PEAK1: variants seen among roughly 807,000 people sequenced by gnomAD.
PEAK1 encodes the protein pseudopodium enriched atypical kinase 1, also known as inactive tyrosine-protein kinase PEAK1.
Under a neutral mutation model 124.7 loss-of-function variants are expected in PEAK1, and 54 were observed. The observed-to-expected ratio is 0.43, with a 90% confidence interval of 0.35 to 0.54. The LOEUF (loss-of-function observed/expected upper bound fraction) is 0.54. Ranked by LOEUF, PEAK1 falls within the 20% of genes least tolerant of loss-of-function variation. The probability of loss-of-function intolerance (pLI) is 0.01; values close to 1 mark genes in which losing one functional copy is unlikely to be tolerated. For missense variants in PEAK1, 2,046 were observed against 2,134.5 expected, an observed-to-expected ratio of 0.96 and a Z score of 0.82; for synonymous variants, 719 against 760.0, an observed-to-expected ratio of 0.95 and a Z score of 0.89.
At chr15:77,145,074 G>A (rs2054077080) in intron 8 of PEAK1, among the ~76,000 whole-genome samples, 1 of 152,186 alleles carries the variant, frequency 6.6e-6, no homozygotes, top group Admixed American at 6.5e-5. Context: ...GGACAAATAT[G>A]TTTGACTAAA....
At chr15:77,194,160 T>A (rs1463117436) in intron 6 of PEAK1, among the ~76,000 whole-genome samples, 1 of 152,188 alleles carries the variant, frequency 6.6e-6, no homozygotes, top group African/African-American at 2.4e-5. Flanking sequence ...CTCCTCCTGG[T>A]CCTTCTCATG....
intron 8 of PEAK1, among the ~76,000 whole-genome samples, chr15:77,143,432 G>A (rs2152757489): frequency 6.6e-6 from 1 of 152,214 alleles, no homozygotes; most frequent in South Asian, 2.1e-4. Context: ...AGCATTTCAT[G>A]ACACTTCTCT....
At chr15:77,227,386 G>A (rs1322767064) in intron 6 of PEAK1, among the ~76,000 whole-genome samples, 7 of 152,136 alleles carry the variant, frequency 4.6e-5, no homozygotes, top group Non-Finnish European at 7.3e-5. Flanking sequence ...AACAGGGGCT[G>A]ATGGTTTTCT....
chr15:77,182,185 G>T, intron 6 of PEAK1, 145 bp from the exon 7 acceptor site: 2 of 688,656 alleles, frequency 2.9e-6, no homozygotes, highest in Admixed American at 4.3e-5. Context: ...TGTGTACTTT[G>T]TAATTTCCCT....
chr15:77,308,347 C>A (rs933899557), intron 2 of PEAK1, among the ~76,000 whole-genome samples: 14 of 152,018 alleles, frequency 9.2e-5, no homozygotes, highest in African/African-American at 3.4e-4. Context: ...AGTCCATGCC[C>A]ATGTAGGCGT....
At chr15:77,347,073 A>G in intron 2 of PEAK1, 1 of 397,120 alleles carries the variant, frequency 2.5e-6, no homozygotes, top group South Asian at 1.0e-4. Context: ...AGGGAAGACC[A>G]TTCCTTGCAG....
chr15:77,140,700 C>T (rs578233519), intron 8 of PEAK1, among the ~76,000 whole-genome samples: 109 of 151,694 alleles, frequency 7.2e-4, no homozygotes, highest in South Asian at 1.0e-3. Context: ...CAAGGATTTG[C>T]GTTCTTGCCA....
intron 1 of PEAK1, among the ~76,000 whole-genome samples, chr15:77,393,906 G>T (rs868658192): frequency 1.3e-5 from 2 of 152,340 alleles, no homozygotes; most frequent in Non-Finnish European, 2.9e-5. Context: ...CTGCTCTGAA[G>T]GGAGAGTCCT....
At chr15:77,293,505 C>G (rs1021371921) in intron 2 of PEAK1, among the ~76,000 whole-genome samples, 1 of 152,192 alleles carries the variant, frequency 6.6e-6, no homozygotes. Context: ...ACTAGAAATG[C>G]TCTTTCCATT....
chr15:77,170,533 T>C (rs996982375), intron 7 of PEAK1, among the ~76,000 whole-genome samples: 7 of 152,090 alleles, frequency 4.6e-5, no homozygotes, highest in African/African-American at 1.7e-4. Flanking sequence ...TATAACTAGA[T>C]TTACATTTAA....
intron 2 of PEAK1, among the ~76,000 whole-genome samples, chr15:77,361,912 A>G (rs534415436): frequency 9.1e-4 from 139 of 152,264 alleles, no homozygotes; most frequent in African/African-American, 3.2e-3. Flanking sequence ...AAAAAAAAAA[A>G]GAAATCCTGT....
chr15:77,160,449 G>A lies in PEAK1; in HGVS notation c.3138-1753C>T, dbSNP rs192870668. Among the ~76,000 whole-genome samples the A allele has an allele frequency of 1.1e-4, 17 of 152,154 alleles. No individual in the cohort carries two copies. The East Asian group carries it at 2.9e-3, about 26-fold the overall frequency. On this transcript the variant is annotated intron_variant, in intron 7 of 9. Coordinates refer to ENST00000682557, the MANE Select transcript of PEAK1 (RefSeq NM_001385026.1). Reference sequence around the variant, plus strand: ...TCCCAGCACTTTGGGAGGCTGAGGCGGGCGGATCACGAGGTCAAGAGATGG... The same window carrying A: ...TCCCAGCACTTTGGGAGGCTGAGGCAGGCGGATCACGAGGTCAAGAGATGG...
rs374955010 is a variant in PEAK1 at position 77,205,275 on chromosome 15, TAAA to T, written c.-114-23238_-114-23236del. On this transcript the variant is annotated intron_variant, in intron 6 of 9. Transcript: ENST00000682557. Reference sequence around the variant, plus strand: ...TTTTTTAAGATCAAATGCCTTTTTTTAAAAAAAAAAAAAAAGAAGTTAAATAAT... The same window carrying T: ...TTTTTTAAGATCAAATGCCTTTTTTTAAAAAAAAAAAAGAAGTTAAATAAT... Among the ~76,000 whole-genome samples the T allele has an allele frequency of 2.0e-3, 291 of 143,434 alleles. 2 individuals are homozygous for T. Among genetic ancestry groups the T allele is most frequent in the East Asian group, 5.3e-3 (26 of 4,932 alleles). 94.1% of individuals were successfully genotyped at this position (143,434 alleles called of 152,430 possible). A position where few individuals can be genotyped will look rare whatever the true frequency, so the allele number is the denominator to read the frequency against.
At chr15:77,341,881 G>A (rs965084734) in intron 2 of PEAK1, among the ~76,000 whole-genome samples, 9 of 152,026 alleles carry the variant, frequency 5.9e-5, no homozygotes, top group Non-Finnish European at 1.0e-4. Flanking sequence ...TATGGGGATG[G>A]GGAGCTCTGT....
intron 7 of PEAK1, among the ~76,000 whole-genome samples, chr15:77,169,487 A>C (rs1357556297): frequency 6.6e-6 from 1 of 152,254 alleles, no homozygotes; most frequent in Non-Finnish European, 1.5e-5. Flanking sequence ...CCATGATTTT[A>C]GTCACTAACC....
intron 5 of PEAK1, chr15:77,255,668 T>C (rs905030408): frequency 4.6e-5 from 7 of 152,096 alleles, no homozygotes; most frequent in African/African-American, 1.7e-4. Context: ...ACATCAACTA[T>C]ACACCTTAAG....
In PEAK1 at chr15:77,366,884, C is replaced by T. The variant is rs533285863; in HGVS notation, c.-665-1659G>A. On this transcript the variant is annotated intron_variant, in intron 1 of 9. Coordinates refer to ENST00000682557, the MANE Select transcript of PEAK1 (RefSeq NM_001385026.1). ...CAATTGGTAAAATCTTTCTGGAATC[C>T]CAGCACTTTGGGAGGCCGAGGCAGG... 2.6e-5 allele frequency among the ~76,000 whole-genome samples: 4 copies of T among 152,248 alleles called. No homozygotes were observed. In the South Asian group the frequency reaches 8.3e-4, roughly 32 times the overall value.
downstream of PEAK1, chr15:77,106,919 T>C (rs1051633394): frequency 6.6e-6 from 1 of 152,246 alleles, no homozygotes; most frequent in Non-Finnish European, 1.5e-5. Flanking sequence ...AAACTCCCAG[T>C]GGAGCTTTTG....
chr15:77,419,669 G>A (rs1233185016), intron 1 of PEAK1: 1 of 985,096 alleles, frequency 1.0e-6, no homozygotes, highest in Non-Finnish European at 1.2e-6. Context: ...GCCGCGCCCG[G>A]GGGCGTCCCT....
Sources: gnomAD v4.1 joint callset for allele counts (sites outside exome capture counted in the v4.1 genomes callset) on GRCh38, gnomAD v4.1.1 for gene constraint, MANE v1.5 for transcripts, NCBI Gene and HGNC (gene_info 2026-07-23, HGNC 2026-07-21) for gene names.